FAAH2: variants seen among roughly 807,000 people sequenced by gnomAD.
FAAH2 encodes fatty acid amide hydrolase 2, also known as fatty-acid amide hydrolase 2.
FAAH2 carries 60 observed loss-of-function variants against 36.9 expected under a neutral mutation model. The observed-to-expected ratio is 1.63, with a 90% CI of 1.32 to 2.02. The LOEUF (loss-of-function observed/expected upper bound fraction) is 2.02, where lower values mean the gene tolerates loss of function less well. Ranked by LOEUF, FAAH2 falls within the 30% of genes most tolerant of loss-of-function variation. FAAH2 has a pLI of 0.00. For synonymous variants in FAAH2, 214 were observed against 143.8 expected, an observed-to-expected ratio of 1.49 and a Z score of -3.49; for missense variants, 689 against 397.5, an observed-to-expected ratio of 1.73 and a Z score of -6.23.
intron 7 of FAAH2, among the ~76,000 whole-genome samples, chrX:57,388,114 C>T (rs1282954366): frequency 9.0e-6 from 1 of 111,521 alleles, no homozygotes; most frequent in Non-Finnish European, 1.9e-5. Flanking sequence ...AAACTTTTGA[C>T]TCAGGAGAAT....
At chrX:57,352,460 A>C (rs2054048781) in intron 5 of FAAH2, among the ~76,000 whole-genome samples, 2 of 109,650 alleles carry the variant, frequency 1.8e-5, no homozygotes, top group African/African-American at 6.6e-5. Context: ...GAAGCAACAT[A>C]CCTAAAAATA....
At chrX:57,394,519 G>A (rs778457999) in intron 7 of FAAH2, 2 of 1,207,893 alleles carry the variant, frequency 1.7e-6, no homozygotes, top group Non-Finnish European at 2.2e-6. Flanking sequence ...TGAGGTTAAG[G>A]TTGTTATACT....
At chrX:57,345,027 G>C (rs761277543) in intron 5 of FAAH2, among the ~76,000 whole-genome samples, 1 of 110,458 alleles carries the variant, frequency 9.1e-6, no homozygotes, top group African/African-American at 3.3e-5. Flanking sequence ...TATTCATCAG[G>C]GATATAGTCA....
At chrX:57,473,420 C>T (rs1003341486) in intron 10 of FAAH2, among the ~76,000 whole-genome samples, 3 of 111,329 alleles carry the variant, frequency 2.7e-5, no homozygotes, top group Non-Finnish European at 3.8e-5. Flanking sequence ...TTTTTGAATG[C>T]GTTGAGACTT....
At chrX:57,487,150 G>C (rs1331802421) in intron 10 of FAAH2, among the ~76,000 whole-genome samples, 1 of 110,632 alleles carries the variant, frequency 9.0e-6, no homozygotes, top group African/African-American at 3.3e-5. Flanking sequence ...ATAAATAGGA[G>C]ACCTAAATGT....
chrX:57,228,525 C>T, the FAAH2 span, among the ~76,000 whole-genome samples: 1 of 111,151 alleles, frequency 9.0e-6, no homozygotes, highest in East Asian at 2.8e-4. Context: ...CAGGAGCAGT[C>T]TGCTTCCTTT....
the FAAH2 span, among the ~76,000 whole-genome samples, chrX:57,272,308 T>G: frequency 9.1e-6 from 1 of 110,117 alleles, no homozygotes; most frequent in South Asian, 3.8e-4. Flanking sequence ...ATGGGGAGAA[T>G]GGAACCAAGT....
chrX:57,229,953 TTAGGAACCCCACAGCCA>T, the FAAH2 span, among the ~76,000 whole-genome samples: 4 of 111,823 alleles, frequency 3.6e-5, 1 homozygote, highest in Non-Finnish European at 7.5e-5. Flanking sequence ...CTACTTTTAT[TTAGGAACCCCACAGCCA>T]TAGTCATACC....
chrX:57,312,008 G>C (rs148124409), intron 3 of FAAH2, among the ~76,000 whole-genome samples: 1 of 112,203 alleles, frequency 8.9e-6, no homozygotes, highest in Non-Finnish European at 1.9e-5. Flanking sequence ...GATGGGGCAT[G>C]CCTCCCTCCA....
At chrX:57,408,611 G>A (rs1224198015) in intron 7 of FAAH2, among the ~76,000 whole-genome samples, 1 of 109,763 alleles carries the variant, frequency 9.1e-6, no homozygotes, top group Non-Finnish European at 1.9e-5. Context: ...ATGTTGAATA[G>A]AAATAGCCAA....
the FAAH2 span, among the ~76,000 whole-genome samples, chrX:57,252,996 G>T: frequency 7.3e-3 from 811 of 111,515 alleles, 8 homozygotes; most frequent in African/African-American, 0.025. Context: ...CTAATCCATT[G>T]CAAGGAAGCT....
chrX:57,273,230 G>A, the FAAH2 span, among the ~76,000 whole-genome samples: 1 of 111,780 alleles, frequency 8.9e-6, no homozygotes, highest in African/African-American at 3.3e-5. Context: ...AAATATATAT[G>A]CACCCAATAC....
chrX:57,242,124 C>T, the FAAH2 span, among the ~76,000 whole-genome samples: 42 of 112,686 alleles, frequency 3.7e-4, no homozygotes, highest in African/African-American at 1.2e-3. Flanking sequence ...CAGACTGCTT[C>T]CTTAAGTGGG....
the FAAH2 span, among the ~76,000 whole-genome samples, chrX:57,275,475 A>G: frequency 1.8e-5 from 2 of 112,219 alleles, no homozygotes; most frequent in African/African-American, 6.5e-5. Flanking sequence ...AAAACACGCC[A>G]AATTGTAAAG....
intron 2 of FAAH2, among the ~76,000 whole-genome samples, chrX:57,304,905 A>G (rs1474216930): frequency 1.8e-5 from 2 of 111,912 alleles, no homozygotes; most frequent in Admixed American, 9.5e-5. Context: ...GACTCAGTAT[A>G]TTGTACATGT....
the FAAH2 span, among the ~76,000 whole-genome samples, chrX:57,246,361 C>T: frequency 3.6e-5 from 4 of 111,837 alleles, no homozygotes; most frequent in Non-Finnish European, 5.6e-5. Context: ...GGGAATCCTC[C>T]TTAACTCATT....
chrX:57,177,208 G>C, the FAAH2 span, among the ~76,000 whole-genome samples: 1 of 109,928 alleles, frequency 9.1e-6, no homozygotes, highest in Non-Finnish European at 1.9e-5. Context: ...TCTTTTCAGT[G>C]GGAAGTGAGG....
In FAAH2 at chrX:57,370,386, T is replaced by C. The variant is rs185724767; in HGVS notation, c.743-8265T>C. ...TTACTGGAAAAAGAGACTAAGAAGA[T>C]CATTATATAATGACAAAAGTTGATT... On this transcript the variant is annotated intron_variant, in intron 5 of 10. Transcript: ENST00000374900. Among the ~76,000 whole-genome samples, 436 of 111,261 alleles carry C rather than the reference T, an allele frequency of 3.9e-3. 2 individuals carry two copies. The highest frequency in any genetic ancestry group is 0.014 in the African/African-American group (429 of 30,582).
intron 9 of FAAH2, among the ~76,000 whole-genome samples, chrX:57,447,533 T>C (rs1360595984): frequency 3.6e-5 from 4 of 112,287 alleles, no homozygotes; most frequent in Admixed American, 9.4e-5. Context: ...CAGTCAGGCA[T>C]TTTCATACAT....
Sources: gnomAD v4.1 joint callset for allele counts (sites outside exome capture counted in the v4.1 genomes callset) on GRCh38, gnomAD v4.1.1 for gene constraint, MANE v1.5 for transcripts, NCBI Gene and HGNC (gene_info 2026-07-23, HGNC 2026-07-21) for gene names.